The following RBFOX3 variants were observed in gnomAD, a reference collection of about 807,000 sequenced individuals.
RBFOX3 encodes the protein RNA binding fox-1 homolog 3, also known as RNA binding protein fox-1 homolog 3.
Under a neutral mutation model 48.7 loss-of-function variants are expected in RBFOX3, and 17 were observed. The ratio of observed to expected loss-of-function variants is 0.35; its 90% confidence interval spans 0.24 to 0.52. The LOEUF (loss-of-function observed/expected upper bound fraction) is 0.52. Among genes scored for constraint, RBFOX3 ranks in the 20% least tolerant of loss-of-function variants. The probability of loss-of-function intolerance (pLI) is 0.94; values close to 1 mark genes in which losing one functional copy is unlikely to be tolerated. For missense variants in RBFOX3, 382 were observed against 497.5 expected, an observed-to-expected ratio of 0.77 and a Z score of 2.21; for synonymous variants, 212 against 209.5, an observed-to-expected ratio of 1.01 and a Z score of -0.10.
At chr17:79,400,313 G>A (rs1357210732) in intron 2 of RBFOX3, among the ~76,000 whole-genome samples, 2 of 151,700 alleles carry the variant, frequency 1.3e-5, no homozygotes, top group African/African-American at 2.4e-5. Context: ...TTAGCCTCTG[G>A]AGCCACCCGA....
In RBFOX3 at chr17:79,391,195, T is replaced by G. The variant is rs2061341618; in HGVS notation, c.-174-83371A>C. The stretch of plus-strand genomic sequence containing the variant: ...ACTACCACTGTATCAAACTCCAGCT[T>G]CTCTTCAACCGTCAGCGACTTCCCC... On this transcript the variant is annotated intron_variant, in intron 2 of 14. Transcript: ENST00000693108. This position sits in a 1 kb window ranked among gnomAD's most constrained non-coding sequence, Gnocchi z 5.0. Among the ~76,000 whole-genome samples, 1 of 151,992 alleles carries G rather than the reference T, an allele frequency of 6.6e-6. No individual in the cohort carries two copies. The highest frequency in any genetic ancestry group is 2.1e-4 in the South Asian group (1 of 4,814).
At chr17:79,570,462 G>A (rs1330827514) in intron 1 of RBFOX3, among the ~76,000 whole-genome samples, 1 of 152,084 alleles carries the variant, frequency 6.6e-6, no homozygotes, top group Non-Finnish European at 1.5e-5. Flanking sequence ...GAGGATGAAT[G>A]GGTGGACAGA....
chr17:79,604,974 A>G (rs1310972384), intron 1 of RBFOX3, among the ~76,000 whole-genome samples: 2 of 151,974 alleles, frequency 1.3e-5, no homozygotes, highest in African/African-American at 4.8e-5. Context: ...AAGCACCTGG[A>G]CTCCAGGGAC....
intron 2 of RBFOX3, among the ~76,000 whole-genome samples, chr17:79,400,257 C>T (rs986123769): frequency 5.9e-5 from 9 of 152,150 alleles, no homozygotes; most frequent in Non-Finnish European, 1.0e-4. Flanking sequence ...GTCAGCAGGG[C>T]CAAGCTCCTG....
At chr17:79,145,437 C>T (rs967045550) in intron 4 of RBFOX3, among the ~76,000 whole-genome samples, 4 of 152,178 alleles carry the variant, frequency 2.6e-5, no homozygotes, top group Admixed American at 1.3e-4. Context: ...TGGCCTGGGG[C>T]GAAGTCTGGC....
At chr17:79,366,916 G>A (rs1441997412) in intron 2 of RBFOX3, among the ~76,000 whole-genome samples, 1 of 152,184 alleles carries the variant, frequency 6.6e-6, no homozygotes, top group Non-Finnish European at 1.5e-5. Flanking sequence ...TCCTCAGAGA[G>A]AGCCACCTCG....
rs766213264 is a variant in RBFOX3, at chr17:79,342,955, A to G, written c.-174-35131T>C. On this transcript the variant is annotated intron_variant, in intron 2 of 14. Coordinates refer to ENST00000693108, the MANE Select transcript of RBFOX3 (RefSeq NM_001350451.2). ...AAGAGAAAGAGAACACAGTGGGGGG[A>G]GAGAGAAAGAGAAAGAGAAAGAGCG... 5.4e-4 allele frequency among the ~76,000 whole-genome samples: 81 copies of G among 150,720 alleles called. 1 individual carries two copies. Among genetic ancestry groups the G allele is most frequent in the Non-Finnish European group, 2.1e-4 (14 of 67,538 alleles).
Position 79,391,922 on chromosome 17 carries a change from CA to C in RBFOX3, c.-174-84099del, listed in dbSNP as rs1256568416. On this transcript the variant is annotated intron_variant, in intron 2 of 14. Transcript: ENST00000693108. This position sits in a 1 kb window ranked among gnomAD's most constrained non-coding sequence, Gnocchi z 5.0. ...TCCCCTCCTTCCCGGTTCTGAAGCT[CA>C]CAGGTCGCGGGTTTGCTGAGAAGGC... Among the ~76,000 whole-genome samples, 11 of 152,132 alleles carry C rather than the reference CA, an allele frequency of 7.2e-5. No homozygotes were observed. The highest frequency in any genetic ancestry group is 2.4e-4 in the African/African-American group (10 of 41,428).
intron 10 of RBFOX3, 69 bp downstream of exon 10, chr17:79,097,623 A>AGAGCCCCCG: frequency 4.6e-6 from 2 of 438,030 alleles, no homozygotes; most frequent in East Asian, 1.5e-4. Context: ...CCCCGCCCCC[A>AGAGCCCCCG]GAGCCCCCGG....
intron 6 of RBFOX3, among the ~76,000 whole-genome samples, chr17:79,106,193 C>T (rs1282084513): frequency 1.3e-5 from 2 of 152,102 alleles, no homozygotes; most frequent in African/African-American, 2.4e-5. Context: ...CAAGAGAGGC[C>T]AGGGCTGGGG....
At chr17:79,462,821 G>A (rs1441633376) in intron 2 of RBFOX3, among the ~76,000 whole-genome samples, 2 of 152,152 alleles carry the variant, frequency 1.3e-5, no homozygotes, top group Non-Finnish European at 2.9e-5. Flanking sequence ...CATATTGAAA[G>A]CTCACACAGA....
intron 4 of RBFOX3, among the ~76,000 whole-genome samples, chr17:79,183,789 G>A (rs1162419313): frequency 6.6e-6 from 1 of 152,208 alleles, no homozygotes; most frequent in Non-Finnish European, 1.5e-5. Context: ...AGCCCCGCGC[G>A]GAGGGAAGAG....
intron 9 of RBFOX3, among the ~76,000 whole-genome samples, chr17:79,101,303 C>G (rs771898160): frequency 6.6e-6 from 1 of 152,220 alleles, no homozygotes; most frequent in Non-Finnish European, 1.5e-5. Context: ...GAAGCCTGCA[C>G]GTGTGGCCTC....
At chr17:79,215,275 G>GC (rs137924680) in intron 4 of RBFOX3, among the ~76,000 whole-genome samples, 6,807 of 152,298 alleles carry the variant, frequency 0.045, 182 homozygotes, top group African/African-American at 0.084. Flanking sequence ...TGAGGCTGTA[G>GC]GGGCAGGGAG....
At chr17:79,438,561 C>CACA (rs2070104142) in intron 2 of RBFOX3, among the ~76,000 whole-genome samples, 1 of 152,222 alleles carries the variant, frequency 6.6e-6, no homozygotes, top group Non-Finnish European at 1.5e-5. Context: ...AGCCAGGCTG[C>CACA]ACAGCAGTGG....
chr17:79,186,343 C>T (rs1425707421), intron 4 of RBFOX3, among the ~76,000 whole-genome samples: 1 of 152,274 alleles, frequency 6.6e-6, no homozygotes, highest in African/African-American at 2.4e-5. Flanking sequence ...TGCTTCAGCA[C>T]GAGCCAGTTA....
chr17:79,321,509 C>G (rs527417401), intron 2 of RBFOX3, among the ~76,000 whole-genome samples: 1 of 152,086 alleles, frequency 6.6e-6, no homozygotes, highest in Admixed American at 6.5e-5. Flanking sequence ...TCCCATGGAG[C>G]GCAGGTGAGA....
At chr17:79,138,647 G>A (rs370271873) in intron 4 of RBFOX3, among the ~76,000 whole-genome samples, 11 of 106,778 alleles carry the variant, frequency 1.0e-4, no homozygotes, top group African/African-American at 3.4e-4. Flanking sequence ...ACCCACACAC[G>A]CACATACACA....
At chr17:79,174,050 C>T (rs892961734) in intron 4 of RBFOX3, among the ~76,000 whole-genome samples, 2 of 152,100 alleles carry the variant, frequency 1.3e-5, no homozygotes, top group South Asian at 4.1e-4. Flanking sequence ...TTATTAGCTA[C>T]ACCAGGAGAC....
Sources: gnomAD v4.1 joint callset for allele counts (sites outside exome capture counted in the v4.1 genomes callset) on GRCh38, gnomAD v4.1.1 for gene constraint, Gnocchi (gnomAD v3.1) non-coding constraint, MANE v1.5 for transcripts, NCBI Gene and HGNC (gene_info 2026-07-23, HGNC 2026-07-21) for gene names.